The following HSPA14 variants were observed in gnomAD, a reference collection of about 807,000 sequenced individuals.
The protein encoded by HSPA14 is heat shock protein family A (Hsp70) member 14.
A neutral mutation model predicts 65.5 loss-of-function variants in HSPA14; 37 were observed. That is an observed-to-expected ratio of 0.56 (90% CI 0.43 to 0.74). The LOEUF (loss-of-function observed/expected upper bound fraction) is 0.74. Ranked by LOEUF, HSPA14 falls within the 30% of genes least tolerant of loss-of-function variation. HSPA14 has a pLI of 0.00. For missense variants in HSPA14, 564 were observed against 607.6 expected (o/e 0.93, Z 0.75); for synonymous variants, 203 against 214.2 (o/e 0.95, Z 0.46).
chr10:14,867,396 A>G, intron 11 of HSPA14, 101 bp downstream of exon 11: 1 of 782,008 alleles, frequency 1.3e-6, no homozygotes, highest in Admixed American at 2.5e-5. Context: ...ACATACCATG[A>G]TGTTACAATA....
intron 10 of HSPA14, among the ~76,000 whole-genome samples, chr10:14,862,645 G>A (rs1832764739): frequency 6.6e-6 from 1 of 152,058 alleles, no homozygotes; most frequent in Non-Finnish European, 1.5e-5. Flanking sequence ...AAAGTATTGG[G>A]ATTGCAGGCA....
At chr10:14,853,726 T>G (rs1834124635) in intron 8 of HSPA14, among the ~76,000 whole-genome samples, 2 of 151,880 alleles carry the variant, frequency 1.3e-5, no homozygotes, top group African/African-American at 2.4e-5. Context: ...TTTTATTTAT[T>G]TATTTATTTT....
At chr10:14,859,618 T>C (rs116614003) in intron 10 of HSPA14, among the ~76,000 whole-genome samples, 1,954 of 152,334 alleles carry the variant, frequency 0.013, 39 homozygotes, top group African/African-American at 0.045. Context: ...AGCTCCATAG[T>C]ATTTCATTGC....
intron 8 of HSPA14, 111 bp from the exon 9 acceptor site, chr10:14,854,014 G>A (rs557245947): frequency 1.6e-5 from 18 of 1,102,128 alleles, no homozygotes; most frequent in African/African-American, 3.2e-5. Flanking sequence ...CACCGCACCC[G>A]GCCTGATTCA....
intron 3 of HSPA14, chr10:14,841,379 A>G (rs902137431): frequency 1.3e-5 from 2 of 152,226 alleles, no homozygotes; most frequent in African/African-American, 4.8e-5. Flanking sequence ...AGCCAACAAT[A>G]TGATTTTTTT....
At position 14,838,333 on chromosome 10, in the gene HSPA14, C is replaced by T. The variant is rs765954079; in HGVS notation, c.-70C>T. 5 of 1,471,496 alleles carry T rather than the reference C, an allele frequency of 3.4e-6. No homozygotes were observed. The highest frequency in any genetic ancestry group is 1.4e-5 in the African/African-American group (1 of 72,054). The allele number at this position is 1,471,496 out of a possible 1,614,324, so 91.2% of individuals were successfully genotyped here. A position where few individuals can be genotyped will look rare whatever the true frequency, so the allele number is the denominator to read the frequency against. On this transcript the variant is annotated 5_prime_UTR_variant, in exon 1 of 14. Coordinates refer to ENST00000378372, the MANE Select transcript of HSPA14 (RefSeq NM_016299.4). ...GAAGCTCCGCGGTGCCTGATGGGGC[C>T]GTTGGGCGGCCGGTAGCTGTTGCTG...
intron 10 of HSPA14, among the ~76,000 whole-genome samples, chr10:14,861,112 G>A (rs1371426904): frequency 6.6e-6 from 1 of 152,150 alleles, no homozygotes; most frequent in Non-Finnish European, 1.5e-5. Flanking sequence ...CAATTGTAGG[G>A]GAGCTGTGGA....
intron 3 of HSPA14, among the ~76,000 whole-genome samples, chr10:14,847,696 C>CTA (rs1335692695): frequency 6.6e-6 from 1 of 152,208 alleles, no homozygotes; most frequent in African/African-American, 2.4e-5. Context: ...CAATTAGCCA[C>CTA]TATTAATTTT....
At chr10:14,850,151 A>G (rs976026029) in intron 6 of HSPA14, among the ~76,000 whole-genome samples, 1 of 152,096 alleles carries the variant, frequency 6.6e-6, no homozygotes, top group African/African-American at 2.4e-5. Flanking sequence ...TGGTGCCTAT[A>G]ATCTCAGCTA....
intron 3 of HSPA14, chr10:14,847,064 T>C: frequency 1.0e-6 from 1 of 984,018 alleles, no homozygotes; most frequent in South Asian, 4.8e-5. Flanking sequence ...ATTCTCTGCT[T>C]TGCTTTCTCC....
chr10:14,849,113 A>C (rs1834088150), intron 5 of HSPA14, among the ~76,000 whole-genome samples: 1 of 152,244 alleles, frequency 6.6e-6, no homozygotes, highest in Admixed American at 6.5e-5. Flanking sequence ...TATAAGTCAT[A>C]TAAATGAATT....
intron 10 of HSPA14, among the ~76,000 whole-genome samples, chr10:14,865,792 A>G (rs1331686885): frequency 6.6e-6 from 1 of 152,194 alleles, no homozygotes; most frequent in Non-Finnish European, 1.5e-5. Flanking sequence ...TGACTTGGCA[A>G]CGTGGGCTCT....
chr10:14,858,490 C>G (rs1351930517), intron 10 of HSPA14, among the ~76,000 whole-genome samples: 1 of 152,186 alleles, frequency 6.6e-6, no homozygotes, highest in African/African-American at 2.4e-5. Context: ...TTCTGCAACA[C>G]TTAGGTTACA....
chr10:14,846,274 C>T (rs1346192814), intron 3 of HSPA14: 65 of 985,284 alleles, frequency 6.6e-5, no homozygotes, highest in East Asian at 2.3e-4. Context: ...AAGTACTTGA[C>T]GGAGAGTTAG....
At chr10:14,843,638 C>T (rs1418700654) in intron 3 of HSPA14, 1 of 1,550,260 alleles carries the variant, frequency 6.5e-7, no homozygotes, top group South Asian at 1.2e-5. Flanking sequence ...CGGTCAGTGG[C>T]CAGGACTATC....
intron 3 of HSPA14, chr10:14,846,707 G>A (rs1468847759): frequency 3.1e-6 from 3 of 976,840 alleles, no homozygotes; most frequent in South Asian, 4.7e-5. Context: ...ATGAATGTAT[G>A]AGCACTTTCA....
At chr10:14,851,456 C>T in intron 7 of HSPA14, 133 bp downstream of exon 7, 1 of 611,128 alleles carries the variant, frequency 1.6e-6, no homozygotes, top group African/African-American at 2.0e-5. Context: ...AGACTCTTGC[C>T]TAGAGTTTTT....
chr10:14,848,324 T>G (rs1365815565), intron 3 of HSPA14, among the ~76,000 whole-genome samples: 1 of 152,208 alleles, frequency 6.6e-6, no homozygotes, highest in Non-Finnish European at 1.5e-5. Context: ...TTATGAAAAG[T>G]CACCTCAAAA....
At position 14,838,662 on chromosome 10, in the gene HSPA14, G is replaced by C. The variant is rs966095626; in HGVS notation, c.57+203G>C. ...CCTCCGGAAAGTCGTCTACTCCGCGGCGGAGGCTCGCGGCGATGTAGACGC... is the reference window on the plus strand; with the variant it reads ...CCTCCGGAAAGTCGTCTACTCCGCGCCGGAGGCTCGCGGCGATGTAGACGC... On this transcript the variant is annotated intron_variant, in intron 1 of 13. Coordinates refer to ENST00000378372, the MANE Select transcript of HSPA14 (RefSeq NM_016299.4). 4 of 529,774 alleles carry C rather than the reference G, an allele frequency of 7.6e-6. No individual in the cohort carries two copies. The African/African-American group carries it at 8.1e-5, about 11-fold the overall frequency. 32.8% of individuals were successfully genotyped at this position (529,774 alleles called of 1,614,324 possible). A position where few individuals can be genotyped will look rare whatever the true frequency, so the allele number is the denominator to read the frequency against.
Sources: allele counts gnomAD v4.1 joint callset (sites outside exome capture counted in the v4.1 genomes callset), GRCh38; gene constraint gnomAD v4.1.1; transcripts MANE v1.5; gene names NCBI Gene and HGNC (gene_info 2026-07-23, HGNC 2026-07-21).